Variants in PLCE1 observed in about 807,000 individuals in gnomAD.
The protein encoded by PLCE1 is 1-phosphatidylinositol 4,5-bisphosphate phosphodiesterase epsilon-1.
Under a neutral mutation model 242.8 loss-of-function variants are expected in PLCE1, and 119 were observed. The observed-to-expected ratio is 0.49, with a 90% CI of 0.42 to 0.57. The LOEUF (loss-of-function observed/expected upper bound fraction) is 0.57, where lower values mean the gene tolerates loss of function less well. Among genes scored for constraint, PLCE1 ranks in the 20% least tolerant of loss-of-function variants. The pLI is 0.00. For synonymous variants in PLCE1, 945 were observed against 1,017.4 expected (o/e 0.93, Z 1.35); for missense variants, 2,441 against 2,788.8 (o/e 0.88, Z 2.81).
At chr10:94,136,890 T>C (rs2046794194) in intron 3 of PLCE1, among the ~76,000 whole-genome samples, 1 of 152,212 alleles carries the variant, frequency 6.6e-6, no homozygotes, top group Non-Finnish European at 1.5e-5. Context: ...CTCCACTAGT[T>C]TGATACATTA....
At chr10:94,203,359 T>C (rs904142491) in intron 4 of PLCE1, among the ~76,000 whole-genome samples, 1 of 152,234 alleles carries the variant, frequency 6.6e-6, no homozygotes, top group Non-Finnish European at 1.5e-5. Context: ...TTGCTACATA[T>C]TTCCATGCAA....
intron 23 of PLCE1, among the ~76,000 whole-genome samples, chr10:94,297,157 C>T (rs1034225484): frequency 1.3e-5 from 2 of 152,122 alleles, no homozygotes; most frequent in Non-Finnish European, 2.9e-5. Flanking sequence ...CATGAGCCAC[C>T]GTGACCAGCC....
intron 2 of PLCE1, among the ~76,000 whole-genome samples, chr10:94,033,477 C>A (rs1036067852): frequency 6.6e-6 from 1 of 151,984 alleles, no homozygotes; most frequent in South Asian, 2.1e-4. Flanking sequence ...CTATTGGTGA[C>A]AAGATCACAG....
chr10:94,293,530 T>C lies in PLCE1; in HGVS notation c.5058T>C (p.Ser1686=), dbSNP rs1352051289. ...CAGGACTGTCAACTCTAAATGCATC[T>C]GGCTCTAGCAGAGGAAAAGAAAGGA... The part of the protein sequence containing the change: ...KFPGLSTLNA[S]GSSRGKERKS... Residue 1686 remains serine, a synonymous_variant, in exon 23 of 33, where the codon TCT becomes TCC. Transcript: ENST00000371380. 1 of 1,613,830 alleles carries C rather than the reference T, an allele frequency of 6.2e-7. No homozygotes were observed.
At chr10:93,997,812 A>T (rs1376101049) in intron 1 of PLCE1, among the ~76,000 whole-genome samples, 3 of 151,886 alleles carry the variant, frequency 2.0e-5, no homozygotes, top group African/African-American at 7.3e-5. Context: ...GCCCCTTTCC[A>T]CCCTGTGTCA....
chr10:94,094,468 G>A (rs1214423664), intron 2 of PLCE1, among the ~76,000 whole-genome samples: 1 of 152,118 alleles, frequency 6.6e-6, no homozygotes, highest in African/African-American at 2.4e-5. Flanking sequence ...GAAAGAATAG[G>A]CCATTATGGG....
intron 19 of PLCE1, among the ~76,000 whole-genome samples, chr10:94,275,614 T>C (rs901223779): frequency 6.6e-6 from 1 of 152,138 alleles, no homozygotes; most frequent in South Asian, 2.1e-4. Flanking sequence ...GGCAGGTCGA[T>C]TGCTTGAATC....
At chr10:94,120,016 G>A (rs1414026493) in intron 2 of PLCE1, among the ~76,000 whole-genome samples, 2 of 152,264 alleles carry the variant, frequency 1.3e-5, no homozygotes, top group East Asian at 1.9e-4. Flanking sequence ...GCACCCCAGC[G>A]TGGGTCCTAG....
At position 94,304,470 on chromosome 10, in the gene PLCE1, T is replaced by C. The variant is rs768100538; in HGVS notation, c.5459-12T>C. The C allele has an allele frequency of 1.1e-5, 17 of 1,613,454 alleles. No homozygotes were observed. In the African/African-American group the frequency reaches 1.3e-4, roughly 13 times the overall value. On this transcript the variant is annotated splice_polypyrimidine_tract_variant and intron_variant, in intron 24 of 32. Coordinates refer to ENST00000371380, the MANE Select transcript of PLCE1 (RefSeq NM_016341.4). ...CAAGCTATATTGGCTTTCTTTGTTG[T>C]TTGTTTTACAGATCTCCCTTTACAT... is the stretch of plus-strand genomic sequence containing the variant.
At chr10:94,257,280 C>T (rs1207314030) in intron 11 of PLCE1, among the ~76,000 whole-genome samples, 1 of 151,088 alleles carries the variant, frequency 6.6e-6, no homozygotes, top group Non-Finnish European at 1.5e-5. Context: ...ATTTAATATA[C>T]ATAAAATAGA....
intron 4 of PLCE1, among the ~76,000 whole-genome samples, chr10:94,212,473 G>A (rs1451916570): frequency 6.6e-6 from 1 of 152,174 alleles, no homozygotes; most frequent in Non-Finnish European, 1.5e-5. Context: ...AGCCAGGATG[G>A]TCTTGATCTC....
Position 94,030,938 on chromosome 10 carries a change from A to G in PLCE1, c.-109A>G, listed in dbSNP as rs1171679847. Reference sequence around the variant, plus strand: ...AATTATCCCTTTGTTCTTTGGGAGGACTTGTGTATCTGAGATTGTTGTAAT... The same window carrying G: ...AATTATCCCTTTGTTCTTTGGGAGGGCTTGTGTATCTGAGATTGTTGTAAT... On this transcript the variant is annotated 5_prime_UTR_variant, in exon 2 of 33. Transcript: ENST00000371380. The G allele has an allele frequency of 2.8e-6, 3 of 1,058,202 alleles. No homozygotes were observed. The highest frequency in any genetic ancestry group is 4.4e-6 in the Non-Finnish European group (3 of 679,052). The allele number at this position is 1,058,202 out of a possible 1,614,324, so 65.6% of individuals were successfully genotyped here. A position where few individuals can be genotyped will look rare whatever the true frequency, so the allele number is the denominator to read the frequency against.
At chr10:94,222,378 C>T (rs1448570911) in intron 4 of PLCE1, among the ~76,000 whole-genome samples, 4 of 152,196 alleles carry the variant, frequency 2.6e-5, no homozygotes, top group Admixed American at 6.5e-5. Context: ...TTCACTCCTT[C>T]GCTGACTCTT....
intron 23 of PLCE1, among the ~76,000 whole-genome samples, chr10:94,297,723 C>T (rs1456200858): frequency 6.7e-6 from 1 of 149,090 alleles, no homozygotes; most frequent in Non-Finnish European, 1.5e-5. Context: ...TTTGCTATAA[C>T]TTTTCACATA....
chr10:94,016,903 A>G (rs886544083), intron 1 of PLCE1, among the ~76,000 whole-genome samples: 11 of 152,230 alleles, frequency 7.2e-5, no homozygotes, highest in African/African-American at 2.7e-4. Context: ...TACCCATAAA[A>G]TCACAACTGA....
chr10:94,220,683 C>T (rs1449424952), intron 4 of PLCE1, among the ~76,000 whole-genome samples: 1 of 151,976 alleles, frequency 6.6e-6, no homozygotes, highest in Non-Finnish European at 1.5e-5. Flanking sequence ...AGCAGCAGAG[C>T]AGTCACAGTA....
Position 94,171,257 on chromosome 10 carries a change from G to T in PLCE1, c.1570G>T (p.Asp524Tyr), listed in dbSNP as rs761107139. The T allele has an allele frequency of 6.2e-7, 1 of 1,614,118 alleles. No individual in the cohort carries two copies. Among genetic ancestry groups the T allele is most frequent in the Non-Finnish European group, 8.5e-7 (1 of 1,179,972 alleles). ...AGCTGGGATCAGCAAGGAGCTGATC[G>T]ATCTGCAGCCTCTCATCCAGTTCCC... ...SSAGISKELI[D>Y]LQPLIQFPEE... Residue 524 changes from aspartate to tyrosine, a missense_variant, in exon 4 of 33, where the codon GAT becomes TAT. By Grantham distance (160) the Asp-to-Tyr change is radical. This residue lies in a region of PLCE1 where 733 missense variants were observed against 754.2 expected (regional missense o/e 0.97). Transcript: ENST00000371380.
chr10:94,199,218 T>A (rs1315019845), intron 4 of PLCE1, among the ~76,000 whole-genome samples: 1 of 152,234 alleles, frequency 6.6e-6, no homozygotes, highest in Non-Finnish European at 1.5e-5. Flanking sequence ...AAAAGCATTC[T>A]CAAATAGGTG....
chr10:94,028,820 A>C (rs535364248), intron 1 of PLCE1, among the ~76,000 whole-genome samples: 1 of 152,088 alleles, frequency 6.6e-6, no homozygotes, highest in East Asian at 1.9e-4. Flanking sequence ...GCAGTGCTAT[A>C]GTCTCAGCTA....
Sources: gnomAD v4.1 joint callset for allele counts (sites outside exome capture counted in the v4.1 genomes callset) on GRCh38, gnomAD v4.1.1 for gene constraint, gnomAD v4.1.1 regional missense constraint, MANE v1.5 for transcripts, NCBI Gene and HGNC (gene_info 2026-07-23, HGNC 2026-07-21) for gene names.